The following PLEKHM3 variants were observed in gnomAD, a reference collection of about 807,000 sequenced individuals.
The protein encoded by PLEKHM3 is pleckstrin homology domain-containing family M member 3.
PLEKHM3 carries 45 observed loss-of-function variants against 81.8 expected under a neutral mutation model. That is an observed-to-expected ratio of 0.55 (90% CI 0.43 to 0.71). The LOEUF (loss-of-function observed/expected upper bound fraction) is 0.71. PLEKHM3 is among the 30% of genes least tolerant of loss of function. The pLI, the probability that PLEKHM3 is intolerant of heterozygous loss-of-function variation, is 0.00. For synonymous variants in PLEKHM3, 352 were observed against 356.4 expected (o/e 0.99, Z 0.14); for missense variants, 788 against 924.3 (o/e 0.85, Z 1.91).
At chr2:207,834,234 ATTCTCCTGCCTC>A (rs2092304891) in intron 7 of PLEKHM3, among the ~76,000 whole-genome samples, 4 of 151,218 alleles carry the variant, frequency 2.6e-5, no homozygotes, top group Non-Finnish European at 4.4e-5. Context: ...GGTTCAAGTG[ATTCTCCTGCCTC>A]AGCCTTCCCA....
chr2:207,865,792 AAAAAAAAAAAGATAT>A (rs1343693193), intron 6 of PLEKHM3, among the ~76,000 whole-genome samples: 3 of 42,926 alleles, frequency 7.0e-5, no homozygotes, highest in African/African-American at 3.9e-4. Context: ...AAAAAAAAAA[AAAAAAAAAAAGATAT>A]ATATATATAT....
intron 6 of PLEKHM3, among the ~76,000 whole-genome samples, chr2:207,898,720 C>T (rs1392400759): frequency 3.3e-5 from 5 of 151,974 alleles, no homozygotes; most frequent in African/African-American, 1.2e-4. Context: ...TAGGGAGACT[C>T]CTACCTCTAT....
At chr2:207,963,949 C>T (rs1480891221) in intron 3 of PLEKHM3, among the ~76,000 whole-genome samples, 1 of 152,196 alleles carries the variant, frequency 6.6e-6, no homozygotes, top group African/African-American at 2.4e-5. Context: ...TGGTGGCTCA[C>T]GCCTATAATC....
At position 207,931,050 on chromosome 2, in the gene PLEKHM3, TCTC is replaced by T. The variant is rs1300063086; in HGVS notation, c.1759_1761del (p.Glu587del). 1 of 1,614,042 alleles carries T rather than the reference TCTC, an allele frequency of 6.2e-7. No homozygotes were observed. The highest frequency in any genetic ancestry group is 8.5e-7 in the Non-Finnish European group (1 of 1,179,932). On this transcript the variant is annotated inframe_deletion, in exon 5 of 8. Coordinates refer to ENST00000427836, the MANE Select transcript of PLEKHM3 (RefSeq NM_001080475.3). ...TCTGCGTGGTGGTACAGCATGGCGT[TCTC>T]CTGCTGGATGTCGATGAGCGGCTCT...
At chr2:207,944,492 C>A (rs762186917) in intron 4 of PLEKHM3, among the ~76,000 whole-genome samples, 8 of 152,114 alleles carry the variant, frequency 5.3e-5, no homozygotes, top group African/African-American at 1.9e-4. Context: ...GATGTAGGCA[C>A]GTTTATAGGT....
At position 207,823,802 on chromosome 2, in the gene PLEKHM3, CTT is replaced by C. The variant is rs1020779298; in HGVS notation, c.*4515_*4516del. On this transcript the variant is annotated 3_prime_UTR_variant, in exon 8 of 8. Transcript: ENST00000427836. ...TATGGTTAGGAGGGTATCCCATACT[CTT>C]GTCTTTTACCTAGAGTTTAACAATG... 3 of 152,194 alleles carry C rather than the reference CTT, an allele frequency of 2.0e-5. No homozygotes were observed. The highest frequency in any genetic ancestry group is 7.2e-5 in the African/African-American group (3 of 41,458). 9.4% of individuals were successfully genotyped at this position (152,194 alleles called of 1,614,324 possible).
intron 3 of PLEKHM3, among the ~76,000 whole-genome samples, chr2:207,948,867 C>T (rs1044047186): frequency 6.6e-6 from 1 of 152,008 alleles, no homozygotes; most frequent in African/African-American, 2.4e-5. Context: ...TCAGTAGAGA[C>T]GGGGCTTCGC....
At chr2:208,001,001 A>G in intron 2 of PLEKHM3, 29 bp downstream of exon 2, 1 of 1,462,138 alleles carries the variant, frequency 6.8e-7, no homozygotes. Flanking sequence ...AAAAAAAAAA[A>G]AGGAAATAAA....
In PLEKHM3 at chr2:207,912,865, G is replaced by C. The variant is rs1688852945; in HGVS notation, c.1887-4288C>G. Among the ~76,000 whole-genome samples, 3 of 152,114 alleles carry C rather than the reference G, an allele frequency of 2.0e-5. No homozygotes were observed. In the South Asian group the frequency reaches 6.2e-4, roughly 32 times the overall value. On this transcript the variant is annotated intron_variant, in intron 5 of 7. Transcript: ENST00000427836. ...CTTTCCCCTAAGGCAGACTGAATTT[G>C]CAAGACATTCTCTAAATATTTTCTT...
chr2:207,846,046 T>C (rs2105893329), intron 7 of PLEKHM3, among the ~76,000 whole-genome samples: 1 of 152,306 alleles, frequency 6.6e-6, no homozygotes, highest in African/African-American at 2.4e-5. Context: ...GCCATATGCC[T>C]GGTATGAAGG....
intron 1 of PLEKHM3, among the ~76,000 whole-genome samples, chr2:208,021,284 C>T (rs1422863479): frequency 1.3e-5 from 2 of 152,148 alleles, no homozygotes; most frequent in Admixed American, 6.6e-5. Flanking sequence ...GGGTCCATAG[C>T]CCAAAACCTA....
chr2:207,865,801 AAGATATATATATAT>A (rs1264584242), intron 6 of PLEKHM3, among the ~76,000 whole-genome samples: 1 of 25,288 alleles, frequency 4.0e-5, no homozygotes, highest in African/African-American at 2.1e-4. Context: ...AAAAAAAAAA[AAGATATATATATAT>A]ATATATATAT....
At chr2:207,937,974 A>C (rs974978700) in intron 4 of PLEKHM3, among the ~76,000 whole-genome samples, 3 of 152,208 alleles carry the variant, frequency 2.0e-5, no homozygotes, top group African/African-American at 7.2e-5. Context: ...TTTTCCCATC[A>C]GTGAGCTTTT....
At chr2:207,871,669 G>A (rs2092535422) in intron 6 of PLEKHM3, among the ~76,000 whole-genome samples, 1 of 152,062 alleles carries the variant, frequency 6.6e-6, no homozygotes, top group African/African-American at 2.4e-5. Context: ...TGCACTAAGT[G>A]CCTCAAGGGT....
chr2:207,891,078 TG>T (rs779711092), intron 6 of PLEKHM3, among the ~76,000 whole-genome samples: 2 of 152,212 alleles, frequency 1.3e-5, no homozygotes, highest in Non-Finnish European at 2.9e-5. Flanking sequence ...GTAGTGGTGG[TG>T]GATGTGAAAT....
At chr2:208,014,881 G>C (rs1692835629) in intron 1 of PLEKHM3, among the ~76,000 whole-genome samples, 1 of 152,178 alleles carries the variant, frequency 6.6e-6, no homozygotes. Context: ...GACTCAAATA[G>C]TTGAATCAGG....
At chr2:207,956,794 T>A (rs1369780329) in intron 3 of PLEKHM3, among the ~76,000 whole-genome samples, 2 of 141,064 alleles carry the variant, frequency 1.4e-5, no homozygotes, top group Non-Finnish European at 3.1e-5. Context: ...GGTGTTGAAC[T>A]CCTTTCCTTA....
rs1288550001 is a variant in PLEKHM3, at chr2:207,826,993, A to G, written c.*1326T>C. ...TCCAAGGGCACTGCAGCTGGAGAAC[A>G]CTACCTGCCAAATAGCAAAGCAGAT... On this transcript the variant is annotated 3_prime_UTR_variant, in exon 8 of 8. Transcript: ENST00000427836. 3 of 152,198 alleles carry G rather than the reference A, an allele frequency of 2.0e-5. No individual in the cohort carries two copies. The highest frequency in any genetic ancestry group is 6.5e-5 in the Admixed American group (1 of 15,276). 9.4% of individuals were successfully genotyped at this position (152,198 alleles called of 1,614,324 possible). A position where few individuals can be genotyped will look rare whatever the true frequency, so the allele number is the denominator to read the frequency against.
intron 1 of PLEKHM3, among the ~76,000 whole-genome samples, chr2:208,007,426 CA>C (rs1303213566): frequency 6.6e-6 from 1 of 152,072 alleles, no homozygotes; most frequent in East Asian, 1.9e-4. Context: ...AGGCATGCCG[CA>C]AGCAGCTAGT....
Sources: gnomAD v4.1 joint callset for allele counts (sites outside exome capture counted in the v4.1 genomes callset) on GRCh38, gnomAD v4.1.1 for gene constraint, MANE v1.5 for transcripts, NCBI Gene and HGNC (gene_info 2026-07-23, HGNC 2026-07-21) for gene names.